The following CENPO variants were observed in gnomAD, a reference collection of about 807,000 sequenced individuals.
CENPO encodes the protein centromere protein O.
A neutral mutation model predicts 36.1 loss-of-function variants in CENPO; 30 were observed. The ratio of observed to expected loss-of-function variants is 0.83; its 90% confidence interval spans 0.62 to 1.13. The LOEUF (loss-of-function observed/expected upper bound fraction) is 1.13, where lower values mean the gene tolerates loss of function less well. CENPO is among the 50% of genes most tolerant of loss of function. The pLI is 0.00. For synonymous variants in CENPO, 171 were observed against 142.3 expected (o/e 1.20, Z -1.44); for missense variants, 349 against 357.8 (o/e 0.98, Z 0.20).
intron 3 of CENPO, among the ~76,000 whole-genome samples, chr2:24,802,045 C>A (rs1251416149): frequency 6.6e-6 from 1 of 152,168 alleles, no homozygotes; most frequent in African/African-American, 2.4e-5. Flanking sequence ...TCCTTCACAT[C>A]CCTTGTAAGT....
chr2:24,795,500 C>T (rs920065564), intron 2 of CENPO, among the ~76,000 whole-genome samples: 3 of 152,108 alleles, frequency 2.0e-5, no homozygotes, highest in Non-Finnish European at 2.9e-5. Context: ...TAAACAACAA[C>T]GCTACCCCCT....
intron 3 of CENPO, among the ~76,000 whole-genome samples, chr2:24,801,723 A>C (rs1666174121): frequency 1.3e-5 from 2 of 152,316 alleles, no homozygotes; most frequent in African/African-American, 2.4e-5. Context: ...TGTTTTGGTT[A>C]CTGTAGCCTT....
At chr2:24,805,640 A>G (rs1291272998) in intron 3 of CENPO, among the ~76,000 whole-genome samples, 1 of 152,146 alleles carries the variant, frequency 6.6e-6, no homozygotes, top group African/African-American at 2.4e-5. Context: ...CAGAGCAGCG[A>G]ATGTTGGTGA....
At position 24,820,486 on chromosome 2, in the gene CENPO, C is replaced by T. The variant is rs1335179681; in HGVS notation, c.*1168C>T. 2 of 1,397,192 alleles carry T rather than the reference C, an allele frequency of 1.4e-6. No homozygotes were observed. Among genetic ancestry groups the T allele is most frequent in the East Asian group, 2.7e-5 (1 of 37,170 alleles). The allele number at this position is 1,397,192 out of a possible 1,614,324, so 86.5% of individuals were successfully genotyped here. On this transcript the variant is annotated 3_prime_UTR_variant, in exon 8 of 8. Coordinates refer to ENST00000380834, the MANE Select transcript of CENPO (RefSeq NM_001322101.2). The stretch of plus-strand genomic sequence containing the variant: ...ATCACAAGGTATTAGAAGGTTCATA[C>T]CCAAAGGTAGGCCATATGCATCTAG...
At chr2:24,814,605 C>G (rs1217454647) in intron 4 of CENPO, 112 bp downstream of exon 4, 7 of 684,932 alleles carry the variant, frequency 1.0e-5, no homozygotes, top group Non-Finnish European at 1.9e-5. Flanking sequence ...ATTTTACACC[C>G]TCTGCCCTCA....
At chr2:24,812,282 C>G (rs781482677) in intron 3 of CENPO, among the ~76,000 whole-genome samples, 1 of 151,964 alleles carries the variant, frequency 6.6e-6, no homozygotes, top group Non-Finnish European at 1.5e-5. Context: ...AAGTTTTGGC[C>G]TTATTAGTCA....
Position 24,821,241 on chromosome 2 carries a change from A to G in CENPO, c.*1923A>G. The G allele has an allele frequency of 6.5e-6, 3 of 464,104 alleles. No individual in the cohort carries two copies. The highest frequency in any genetic ancestry group is 1.1e-5 in the Non-Finnish European group (3 of 262,752). 28.7% of individuals were successfully genotyped at this position (464,104 alleles called of 1,614,324 possible). A position where few individuals can be genotyped will look rare whatever the true frequency, so the allele number is the denominator to read the frequency against. On this transcript the variant is annotated 3_prime_UTR_variant, in exon 8 of 8. Coordinates refer to ENST00000380834, the MANE Select transcript of CENPO (RefSeq NM_001322101.2). The stretch of plus-strand genomic sequence containing the variant: ...AGCAGGCACAGCAACCCCTCTGGAA[A>G]TGGATCACAAACTCACTTCTCAGCC...
intron 3 of CENPO, among the ~76,000 whole-genome samples, chr2:24,810,514 T>G (rs1033686131): frequency 4.0e-5 from 6 of 150,458 alleles, no homozygotes; most frequent in Non-Finnish European, 5.9e-5. Context: ...GTTTTTTTTT[T>G]TTTTTTTTTT....
intron 1 of CENPO, 78 bp from the exon 2 acceptor site, chr2:24,793,774 C>T: frequency 1.7e-6 from 2 of 1,152,568 alleles, no homozygotes; most frequent in South Asian, 1.3e-5. Flanking sequence ...GGGGTTGTGC[C>T]TGAGTGGTGT....
At chr2:24,817,239 T>C (rs939825446) in intron 6 of CENPO, among the ~76,000 whole-genome samples, 2 of 152,162 alleles carry the variant, frequency 1.3e-5, no homozygotes, top group Non-Finnish European at 2.9e-5. Flanking sequence ...AGTCTCTAAA[T>C]GGAAATCCTT....
rs1224489399 is a variant in CENPO at position 24,793,652 on chromosome 2, C to T, written c.-69+151C>T. The stretch of plus-strand genomic sequence containing the variant: ...CGTGGCCTCGGGAGCGCGCCGGGGC[C>T]GCGGGATGGGCGCGGGGGTGGGCAT... On this transcript the variant is annotated intron_variant, in intron 1 of 7. Coordinates refer to ENST00000380834, the MANE Select transcript of CENPO (RefSeq NM_001322101.2). The T allele has an allele frequency of 3.1e-6, 4 of 1,277,806 alleles. No homozygotes were observed. The South Asian group carries it at 4.6e-5, about 15-fold the overall frequency. 79.2% of individuals were successfully genotyped at this position (1,277,806 alleles called of 1,614,324 possible).
At chr2:24,819,123 C>T (rs1459706123) in intron 7 of CENPO, 3 of 152,664 alleles carry the variant, frequency 2.0e-5, no homozygotes, top group Non-Finnish European at 4.4e-5. Flanking sequence ...CAGCAAAGTA[C>T]CAGCACTCCT....
intron 3 of CENPO, among the ~76,000 whole-genome samples, chr2:24,804,554 T>C (rs1666297799): frequency 6.6e-6 from 1 of 152,208 alleles, no homozygotes; most frequent in South Asian, 2.1e-4. Context: ...TTTGCTTGTC[T>C]GTAAAGGATT....
In CENPO at chr2:24,820,963, T is replaced by C; in HGVS notation, c.*1645T>C. The C allele has an allele frequency of 2.8e-6, 4 of 1,439,596 alleles. No individual in the cohort carries two copies. The highest frequency in any genetic ancestry group is 3.8e-6 in the Non-Finnish European group (4 of 1,058,656). The allele number at this position is 1,439,596 out of a possible 1,614,324, so 89.2% of individuals were successfully genotyped here. A position where few individuals can be genotyped will look rare whatever the true frequency, so the allele number is the denominator to read the frequency against. ...AAGCTCCTAATGTAACACATCATTGTCCTCATTCAACTTGGCTGTATGCTA... is the reference window on the plus strand; with the variant it reads ...AAGCTCCTAATGTAACACATCATTGCCCTCATTCAACTTGGCTGTATGCTA... On this transcript the variant is annotated 3_prime_UTR_variant, in exon 8 of 8. Coordinates refer to ENST00000380834, the MANE Select transcript of CENPO (RefSeq NM_001322101.2).
chr2:24,811,973 C>T (rs925329013), intron 3 of CENPO, among the ~76,000 whole-genome samples: 7 of 152,166 alleles, frequency 4.6e-5, no homozygotes, highest in East Asian at 1.9e-4. Flanking sequence ...TTATTTGTCA[C>T]GTATAGTCAA....
chr2:24,819,038 CG>C (rs1445293258), intron 7 of CENPO: 1 of 152,574 alleles, frequency 6.6e-6, no homozygotes, highest in Non-Finnish European at 1.5e-5. Flanking sequence ...GCAGGCGTTC[CG>C]GGGTACAGTG....
intron 3 of CENPO, among the ~76,000 whole-genome samples, chr2:24,801,796 T>C (rs1368792081): frequency 6.6e-6 from 1 of 152,200 alleles, no homozygotes; most frequent in Non-Finnish European, 1.5e-5. Flanking sequence ...CATGGGATTG[T>C]CTTGGCAATG....
intron 6 of CENPO, among the ~76,000 whole-genome samples, chr2:24,817,213 C>T (rs2278483): frequency 0.21 from 32,406 of 152,130 alleles, 3,533 homozygotes; most frequent in Non-Finnish European, 0.23. Context: ...CACACACTTA[C>T]TCCTCCCTAC....
intron 3 of CENPO, among the ~76,000 whole-genome samples, chr2:24,808,242 A>C (rs1003042855): frequency 3.6e-4 from 54 of 151,924 alleles, no homozygotes; most frequent in African/African-American, 1.3e-3. Context: ...TTTGAGACAG[A>C]GTCTCACTTT....
Sources: gnomAD v4.1 joint callset for allele counts (sites outside exome capture counted in the v4.1 genomes callset) on GRCh38, gnomAD v4.1.1 for gene constraint, MANE v1.5 for transcripts, NCBI Gene and HGNC (gene_info 2026-07-23, HGNC 2026-07-21) for gene names.